NTM: variants seen among roughly 807,000 people sequenced by gnomAD.
The protein encoded by NTM is neurotrimin, also known as IgLON family member 2.
A neutral mutation model predicts 42.1 loss-of-function variants in NTM; 13 were observed. That is an observed-to-expected ratio of 0.31 (90% confidence interval 0.20 to 0.49). The LOEUF is 0.49. NTM is among the 20% of genes least tolerant of loss of function. The probability of loss-of-function intolerance (pLI) is 0.99; values close to 1 mark genes in which losing one functional copy is unlikely to be tolerated. For synonymous variants in NTM, 187 were observed against 179.2 expected (o/e 1.04, Z -0.35); for missense variants, 373 against 452.8 (o/e 0.82, Z 1.60).
intron 2 of NTM, among the ~76,000 whole-genome samples, chr11:132,004,612 T>A (rs1420392303): frequency 7.7e-6 from 1 of 130,142 alleles, no homozygotes; most frequent in East Asian, 2.0e-4. Flanking sequence ...TCTTTCTCTC[T>A]CTCTCTCTCT....
At chr11:131,543,750 C>T (rs1210995655) in intron 1 of NTM, among the ~76,000 whole-genome samples, 1 of 152,172 alleles carries the variant, frequency 6.6e-6, no homozygotes, top group Non-Finnish European at 1.5e-5. Context: ...AGCTGGTGCC[C>T]GTAGCCCTGC....
intron 1 of NTM, among the ~76,000 whole-genome samples, chr11:131,821,618 C>T (rs1205785979): frequency 1.3e-5 from 2 of 152,174 alleles, no homozygotes; most frequent in African/African-American, 4.8e-5. Context: ...CAAAGCAAAG[C>T]GACAAGCACA....
chr11:131,712,955 GA>G (rs1364403108), intron 1 of NTM, among the ~76,000 whole-genome samples: 1 of 152,144 alleles, frequency 6.6e-6, no homozygotes, highest in Non-Finnish European at 1.5e-5. Flanking sequence ...AAGAAGTAGA[GA>G]AAAGAAAAGA....
chr11:131,512,878 A>G (rs2048435442), intron 1 of NTM, among the ~76,000 whole-genome samples: 1 of 147,820 alleles, frequency 6.8e-6, no homozygotes, highest in African/African-American at 2.5e-5. Flanking sequence ...GTCTTGACTC[A>G]AAGTTGCTTC....
intron 3 of NTM, among the ~76,000 whole-genome samples, chr11:132,194,992 T>C (rs540208911): frequency 1.1e-3 from 160 of 152,010 alleles, no homozygotes; most frequent in African/African-American, 3.7e-3. Context: ...CTGGCTAGTT[T>C]TTGTTCTTTT....
intron 1 of NTM, among the ~76,000 whole-genome samples, chr11:131,907,446 T>G: frequency 6.6e-6 from 1 of 152,224 alleles, no homozygotes; most frequent in Non-Finnish European, 1.5e-5. Flanking sequence ...GTCCCAGGAT[T>G]ATTAAAGGGA....
intron 1 of NTM, among the ~76,000 whole-genome samples, chr11:131,789,642 G>GAAGAAGAAGAAGAAGAA (rs2090507086): frequency 8.2e-6 from 1 of 122,330 alleles, no homozygotes; most frequent in Admixed American, 1.1e-4. Context: ...AAGAAAAGAA[G>GAAGAAGAAGAAGAAGAA]AAGAAGAAGA....
chr11:132,168,489 A>G (rs78747145), intron 3 of NTM, among the ~76,000 whole-genome samples: 2,482 of 152,230 alleles, frequency 0.016, 77 homozygotes, highest in African/African-American at 0.057. Context: ...GAGACCTGCA[A>G]TTGTCTGCAT....
chr11:131,805,449 A>G (rs1000326109), intron 1 of NTM, among the ~76,000 whole-genome samples: 2 of 152,154 alleles, frequency 1.3e-5, no homozygotes, highest in African/African-American at 2.4e-5. Context: ...TAAGTGTGTG[A>G]ACTCCCAAAC....
intron 2 of NTM, among the ~76,000 whole-genome samples, chr11:131,938,081 A>G (rs2059414756): frequency 6.6e-6 from 1 of 152,216 alleles, no homozygotes; most frequent in South Asian, 2.1e-4. Flanking sequence ...CGCACTGGAC[A>G]GGATTGTAAG....
intron 4 of NTM, among the ~76,000 whole-genome samples, chr11:132,213,138 G>A (rs1408393698): frequency 6.6e-6 from 1 of 152,182 alleles, no homozygotes; most frequent in South Asian, 2.1e-4. Context: ...TGTGAAATGT[G>A]TGTATGTGAT....
chr11:131,931,813 G>A (rs1158477342), intron 2 of NTM, among the ~76,000 whole-genome samples: 1 of 152,118 alleles, frequency 6.6e-6, no homozygotes, highest in African/African-American at 2.4e-5. Flanking sequence ...AGTGGTGGCG[G>A]GAAGGGGCCT....
intron 1 of NTM, among the ~76,000 whole-genome samples, chr11:131,836,582 T>C (rs1427078448): frequency 6.6e-6 from 1 of 152,226 alleles, no homozygotes; most frequent in Non-Finnish European, 1.5e-5. Context: ...ATTCAAACTC[T>C]ACTTTTCCAA....
At chr11:131,794,255 C>G (rs1035394984) in intron 1 of NTM, among the ~76,000 whole-genome samples, 4 of 152,134 alleles carry the variant, frequency 2.6e-5, no homozygotes, top group Non-Finnish European at 5.9e-5. Flanking sequence ...TGTGAGCAGT[C>G]ACACTGCTGT....
chr11:131,602,448 C>T (rs182112560), intron 1 of NTM, among the ~76,000 whole-genome samples: 1 of 152,278 alleles, frequency 6.6e-6, no homozygotes, highest in East Asian at 1.9e-4. Context: ...CCTTTTGATT[C>T]CAAGTTCCCA....
Position 131,611,708 on chromosome 11 carries a change from C to T in NTM, c.82+240820C>T, listed in dbSNP as rs879297175. Among the ~76,000 whole-genome samples, 5 of 152,304 alleles carry T rather than the reference C, an allele frequency of 3.3e-5. 1 individual carries two copies. Among genetic ancestry groups the T allele is most frequent in the South Asian group, 2.1e-4 (1 of 4,824 alleles). On this transcript the variant is annotated intron_variant, in intron 1 of 8. Coordinates refer to ENST00000683400, the MANE Select transcript of NTM (RefSeq NM_001352005.2). The stretch of plus-strand genomic sequence containing the variant: ...GTAGAGGCATTAGGAAGGAAGACCT[C>T]GTGCTGGAACTGGGCTGCAATTCGG...
At chr11:132,028,567 G>A (rs1021147247) in intron 2 of NTM, among the ~76,000 whole-genome samples, 18 of 152,056 alleles carry the variant, frequency 1.2e-4, no homozygotes, top group Admixed American at 1.0e-3. Context: ...GGGTGTGGGG[G>A]GAGGGAAATC....
chr11:131,747,409 A>G (rs1477987952), intron 1 of NTM, among the ~76,000 whole-genome samples: 1 of 152,082 alleles, frequency 6.6e-6, no homozygotes, highest in Non-Finnish European at 1.5e-5. Flanking sequence ...TGTCTCCTAA[A>G]TCTTTCTCCC....
chr11:131,873,969 A>G (rs2048175464), intron 1 of NTM, among the ~76,000 whole-genome samples: 2 of 113,556 alleles, frequency 1.8e-5, no homozygotes, highest in South Asian at 2.3e-4. Context: ...TTATATATAT[A>G]TTATATATTA....
Sources: allele counts gnomAD v4.1 joint callset (sites outside exome capture counted in the v4.1 genomes callset), GRCh38; gene constraint gnomAD v4.1.1; transcripts MANE v1.5; gene names NCBI Gene and HGNC (gene_info 2026-07-23, HGNC 2026-07-21).